LDLRAP1: variants seen among roughly 807,000 people sequenced by gnomAD.
The protein encoded by LDLRAP1 is low density lipoprotein receptor adaptor protein 1, also known as low density lipoprotein receptor adapter protein 1.
LDLRAP1 carries 30 observed loss-of-function variants against 37.8 expected under a neutral mutation model. The observed-to-expected ratio is 0.79, with a 90% CI of 0.59 to 1.08. The LOEUF (loss-of-function observed/expected upper bound fraction) is 1.08. Ranked by LOEUF, LDLRAP1 falls within the 50% of genes least tolerant of loss-of-function variation. The pLI, the probability that LDLRAP1 is intolerant of heterozygous loss-of-function variation, is 0.00. For missense variants in LDLRAP1, 375 were observed against 401.6 expected, an observed-to-expected ratio of 0.93 and a Z score of 0.57; for synonymous variants, 156 against 169.8, an observed-to-expected ratio of 0.92 and a Z score of 0.63.
chr1:25,545,128 A>G (rs1192054063), intron 1 of LDLRAP1, among the ~76,000 whole-genome samples: 1 of 152,232 alleles, frequency 6.6e-6, no homozygotes, highest in Non-Finnish European at 1.5e-5. Context: ...GCATCCCAAA[A>G]TAGACCCTTT....
downstream of LDLRAP1, among the ~76,000 whole-genome samples, chr1:25,572,597 C>T (rs79154958): frequency 0.044 from 6,744 of 152,210 alleles, 477 homozygotes; most frequent in African/African-American, 0.15. Context: ...GAGTTGAGAC[C>T]TGCAGAGGGC....
chr1:25,587,110 C>T, the LDLRAP1 span, among the ~76,000 whole-genome samples: 2 of 152,082 alleles, frequency 1.3e-5, no homozygotes, highest in African/African-American at 4.8e-5. Flanking sequence ...ACCTTGACTC[C>T]GATCAGAAAT....
At chr1:25,545,362 C>A (rs186047328) in intron 1 of LDLRAP1, among the ~76,000 whole-genome samples, 34 of 152,338 alleles carry the variant, frequency 2.2e-4, no homozygotes, top group African/African-American at 7.7e-4. Context: ...AAGAGAATTT[C>A]TCTTGCCATC....
downstream of LDLRAP1, among the ~76,000 whole-genome samples, chr1:25,572,952 CTG>C (rs1287674413): frequency 4.6e-5 from 7 of 152,192 alleles, no homozygotes; most frequent in Non-Finnish European, 1.0e-4. Context: ...AGTGCAGCCT[CTG>C]GGGCCACAGC....
intron 4 of LDLRAP1, among the ~76,000 whole-genome samples, chr1:25,559,482 C>T (rs2044291997): frequency 6.6e-6 from 1 of 152,228 alleles, no homozygotes; most frequent in Non-Finnish European, 1.5e-5. Flanking sequence ...CCACTGACTG[C>T]AGAGCCCTGA....
the LDLRAP1 span, among the ~76,000 whole-genome samples, chr1:25,576,461 G>C: frequency 6.6e-6 from 1 of 152,230 alleles, no homozygotes; most frequent in South Asian, 2.1e-4. Flanking sequence ...AGAAGGCAGA[G>C]GTTGCAGTGA....
the LDLRAP1 span, among the ~76,000 whole-genome samples, chr1:25,583,585 T>G: frequency 6.6e-6 from 1 of 152,166 alleles, no homozygotes; most frequent in Non-Finnish European, 1.5e-5. Flanking sequence ...TTATCCTGCT[T>G]GGTATTCTCT....
intron 1 of LDLRAP1, among the ~76,000 whole-genome samples, chr1:25,546,141 CATGGGGTAT>C (rs2043928373): frequency 6.6e-6 from 1 of 152,130 alleles, no homozygotes; most frequent in African/African-American, 2.4e-5. Flanking sequence ...GAGCAGGGGC[CATGGGGTAT>C]GTGGGGGTGG....
the LDLRAP1 span, among the ~76,000 whole-genome samples, chr1:25,583,412 C>T: frequency 2.0e-5 from 3 of 151,892 alleles, no homozygotes; most frequent in Non-Finnish European, 2.9e-5. Flanking sequence ...AGGCTGGTCT[C>T]GAACTTCTGA....
chr1:25,571,070 C>T (rs887829880), downstream of LDLRAP1, among the ~76,000 whole-genome samples: 9 of 152,194 alleles, frequency 5.9e-5, no homozygotes, highest in Non-Finnish European at 1.2e-4. Flanking sequence ...TGCTCTCTGA[C>T]CCCAGCGCTC....
At chr1:25,564,019 A>G in intron 7 of LDLRAP1, 1 of 601,452 alleles carries the variant, frequency 1.7e-6, no homozygotes, top group Non-Finnish European at 3.0e-6. Context: ...TCTCCTCACA[A>G]TGCTTGGCCT....
the LDLRAP1 span, among the ~76,000 whole-genome samples, chr1:25,586,387 A>T: frequency 6.6e-6 from 1 of 152,158 alleles, no homozygotes; most frequent in African/African-American, 2.4e-5. The surrounding 1 kb of genome is among the most constrained non-coding windows in gnomAD (Gnocchi z 4.3). Flanking sequence ...CTGCGGCCGC[A>T]TCTGATCTGG....
Position 25,566,914 on chromosome 1 carries a change from C to T in LDLRAP1, c.849C>T (p.Tyr283=), listed in dbSNP as rs147242385. Residue 283 remains tyrosine (Y), a synonymous_variant, in exon 9 of 9, where the codon TAC becomes TAT. Transcript: ENST00000374338. ...GCCTGACAGCCCAGGACATGCATTA[C>T]GCCCAGTGCCTCTCGCCTGTCGACT... is the stretch of plus-strand genomic sequence containing the variant. ...DTGLTAQDMH[Y]AQCLSPVDWD... 98 of 1,613,310 alleles carry T rather than the reference C, an allele frequency of 6.1e-5. No homozygotes were observed. Among genetic ancestry groups the T allele is most frequent in the African/African-American group, 3.7e-4 (28 of 74,938 alleles).
intron 1 of LDLRAP1, among the ~76,000 whole-genome samples, chr1:25,547,406 T>G (rs1327322736): frequency 6.6e-6 from 1 of 151,610 alleles, no homozygotes; most frequent in Non-Finnish European, 1.5e-5. Flanking sequence ...TCGCTTGAAC[T>G]TGGGAGGCAG....
chr1:25,582,413 C>T, the LDLRAP1 span, among the ~76,000 whole-genome samples: 51 of 151,972 alleles, frequency 3.4e-4, no homozygotes, highest in Middle Eastern at 0.01. Flanking sequence ...GGTGAAACCC[C>T]GTCTCTACTA....
rs1313706259 is a variant in LDLRAP1, at chr1:25,543,609, G to A, written c.-90G>A. The A allele has an allele frequency of 1.7e-5, 16 of 930,180 alleles. No homozygotes were observed. The highest frequency in any genetic ancestry group is 1.8e-5 in the Non-Finnish European group (13 of 723,004). 57.6% of individuals were successfully genotyped at this position (930,180 alleles called of 1,614,324 possible). On this transcript the variant is annotated 5_prime_UTR_variant, in exon 1 of 9. Transcript: ENST00000374338. ...CGGAGCTGGCGCTGGGAGGGGAGGAGCGCGCAGCCCGCGCGCCGCAGGGCC... is the reference window on the plus strand; with the variant it reads ...CGGAGCTGGCGCTGGGAGGGGAGGAACGCGCAGCCCGCGCGCCGCAGGGCC...
At chr1:25,545,416 C>T (rs2043910411) in intron 1 of LDLRAP1, among the ~76,000 whole-genome samples, 1 of 152,316 alleles carries the variant, frequency 6.6e-6, no homozygotes, top group African/African-American at 2.4e-5. Context: ...TCCTCGGTTT[C>T]CTCATCTGCA....
intron 4 of LDLRAP1, among the ~76,000 whole-genome samples, chr1:25,559,799 G>A (rs938338442): frequency 6.6e-6 from 1 of 152,210 alleles, no homozygotes; most frequent in African/African-American, 2.4e-5. Context: ...GCAGGAGATG[G>A]AATAGCTGCG....
At chr1:25,569,468 G>A (rs2044572359), downstream of LDLRAP1, among the ~76,000 whole-genome samples, 1 of 152,070 alleles carries the variant, frequency 6.6e-6, no homozygotes, top group Non-Finnish European at 1.5e-5. Flanking sequence ...GCCACTTGGA[G>A]GCTGTGACAC....
Sources: allele counts gnomAD v4.1 joint callset (sites outside exome capture counted in the v4.1 genomes callset), GRCh38; gene constraint gnomAD v4.1.1; non-coding constraint Gnocchi (gnomAD v3.1); transcripts MANE v1.5; gene names NCBI Gene and HGNC (gene_info 2026-07-23, HGNC 2026-07-21).